The following POM121 variants were observed in gnomAD, a reference collection of about 807,000 sequenced individuals.
The protein encoded by POM121 is POM121 transmembrane nucleoporin, also known as nuclear envelope pore membrane protein POM 121.
In POM121, 32 loss-of-function variants were observed where a neutral mutation model predicts 81.3. The ratio of observed to expected loss-of-function variants is 0.39; its 90% CI spans 0.30 to 0.53. POM121 has a LOEUF of 0.53. POM121 is among the 20% of genes least tolerant of loss of function. The pLI, the probability that POM121 is intolerant of heterozygous loss-of-function variation, is 0.66. For missense variants in POM121, 1,138 were observed against 1,614.6 expected (o/e 0.70, Z 5.06); for synonymous variants, 514 against 694.2 (o/e 0.74, Z 4.08).
At chr7:72,950,415 G>A (rs1356341078), downstream of POM121, 29 of 571,138 alleles carry the variant, frequency 5.1e-5, no homozygotes, top group Admixed American at 1.2e-4. Flanking sequence ...GCCTGGGCAA[G>A]TGATTCAATC....
intron 3 of POM121, among the ~76,000 whole-genome samples, chr7:72,910,680 G>A (rs1304885595): frequency 2.0e-5 from 3 of 152,032 alleles, no homozygotes; most frequent in African/African-American, 7.2e-5. Context: ...AGGGGAAGGT[G>A]CAGCTTTTTT....
chr7:72,918,001 A>G (rs1393561542), intron 4 of POM121, among the ~76,000 whole-genome samples: 1 of 152,204 alleles, frequency 6.6e-6, no homozygotes, highest in African/African-American at 2.4e-5. Context: ...ACAAAGAGAA[A>G]GATAGCTTAC....
intron 3 of POM121, among the ~76,000 whole-genome samples, chr7:72,894,302 G>A (rs1791632016): frequency 6.6e-6 from 1 of 152,084 alleles, no homozygotes; most frequent in Admixed American, 6.6e-5. Context: ...TCTAGGCCAG[G>A]CATGGTGGCT....
chr7:72,923,081 A>AT (rs1224446272), upstream of POM121, among the ~76,000 whole-genome samples: 7 of 138,420 alleles, frequency 5.1e-5, no homozygotes, highest in African/African-American at 1.6e-4. Flanking sequence ...TGATACTGAG[A>AT]TTTTTTTCTT....
At position 72,925,145 on chromosome 7, in the gene POM121, T is replaced by G; in HGVS notation, c.24T>G (p.Ala8=). 1 of 1,452,374 alleles carries G rather than the reference T, an allele frequency of 6.9e-7. No individual in the cohort carries two copies. The highest frequency in any genetic ancestry group is 9.0e-7 in the Non-Finnish European group (1 of 1,114,512). 90.0% of individuals were successfully genotyped at this position (1,452,374 alleles called of 1,614,324 possible). A position where few individuals can be genotyped will look rare whatever the true frequency, so the allele number is the denominator to read the frequency against. Residue 8 remains alanine, a synonymous_variant, in exon 1 of 13, where the codon GCT becomes GCG. Transcript: ENST00000434423. MSPAAAA[A]GAGERRRPIA... ...CGATGTCTCCGGCGGCTGCGGCGGC[T>G]GGAGCAGGCGAGCGGCGGCGGCCCA...
downstream of POM121, chr7:72,949,128 A>G: frequency 6.9e-7 from 1 of 1,454,166 alleles, no homozygotes; most frequent in Admixed American, 1.7e-5. Context: ...TCTCGGTTAC[A>G]CAGCTTCACA....
At chr7:72,912,499 G>A (rs868992391) in intron 3 of POM121, among the ~76,000 whole-genome samples, 8 of 152,112 alleles carry the variant, frequency 5.3e-5, no homozygotes, top group South Asian at 2.1e-4. Flanking sequence ...TTTTCTGGCC[G>A]GGCGTGGTGG....
chr7:72,940,096 CCT>C, intron 8 of POM121, 128 bp downstream of exon 8: 2 of 1,199,306 alleles, frequency 1.7e-6, no homozygotes, highest in Non-Finnish European at 2.3e-6. Flanking sequence ...AGACAACATC[CCT>C]CTGTCACCCA....
At chr7:72,945,189 G>C (rs376208786) in intron 11 of POM121, among the ~76,000 whole-genome samples, 1 of 152,004 alleles carries the variant, frequency 6.6e-6, no homozygotes, top group African/African-American at 2.4e-5. Context: ...CAAAAGACGC[G>C]GGACGGACAA....
At chr7:72,921,722 A>G (rs1554496029), upstream of POM121, among the ~76,000 whole-genome samples, 2 of 152,226 alleles carry the variant, frequency 1.3e-5, no homozygotes, top group African/African-American at 4.8e-5. Flanking sequence ...ATTAATCAAT[A>G]CATTTTGTCC....
At position 72,892,489 on chromosome 7, in the gene POM121, G is replaced by A. The variant is rs549411562; in HGVS notation, c.-216+1379G>A. Among the ~76,000 whole-genome samples the A allele has an allele frequency of 6.6e-5, 10 of 152,278 alleles. No individual in the cohort carries two copies. In the East Asian group the frequency reaches 1.9e-3, roughly 29 times the overall value. On this transcript the variant is annotated intron_variant, in intron 3 of 15. Transcript: ENST00000395270. ...GCCTTGCAGATCGTCAGCACATTCT[G>A]TTTCTTTTGACATTAGTGTTCAGTA...
intron 4 of POM121, among the ~76,000 whole-genome samples, chr7:72,916,804 ATG>A (rs552746008): frequency 8.5e-5 from 13 of 152,320 alleles, no homozygotes; most frequent in Non-Finnish European, 1.6e-4. Flanking sequence ...TGAGCATGGA[ATG>A]TGTTTCCATT....
At chr7:72,921,528 T>C (rs1554496003), upstream of POM121, among the ~76,000 whole-genome samples, 1 of 152,200 alleles carries the variant, frequency 6.6e-6, no homozygotes, top group Non-Finnish European at 1.5e-5. Context: ...TATCCCCAGG[T>C]AGAGGAACTA....
upstream of POM121, among the ~76,000 whole-genome samples, chr7:72,924,031 C>T (rs1795102048): frequency 1.3e-5 from 2 of 151,808 alleles, no homozygotes; most frequent in Non-Finnish European, 2.9e-5. Context: ...CTGCAACCTC[C>T]GCCTCCCGAG....
intron 2 of POM121, 27 bp from the exon 3 acceptor site, chr7:72,926,775 C>G (rs781919362): frequency 9.3e-6 from 15 of 1,608,212 alleles, no homozygotes; most frequent in Non-Finnish European, 1.3e-5. Context: ...AAATATCTTA[C>G]AGCTAGAATC....
intron 3 of POM121, among the ~76,000 whole-genome samples, chr7:72,927,671 A>G (rs1161381856): frequency 6.6e-6 from 1 of 151,816 alleles, no homozygotes; most frequent in Non-Finnish European, 1.5e-5. Flanking sequence ...GACTGCCACC[A>G]TACTCCAGCC....
In POM121 at chr7:72,941,869, T is replaced by A. The variant is rs1247848196; in HGVS notation, c.1876T>A (p.Ser626Thr). 6.6e-7 allele frequency: 1 copy of A among 1,523,994 alleles called. No homozygotes were observed. The highest frequency in any genetic ancestry group is 1.4e-5 in the African/African-American group (1 of 70,202). 94.4% of individuals were successfully genotyped at this position (1,523,994 alleles called of 1,614,324 possible). A position where few individuals can be genotyped will look rare whatever the true frequency, so the allele number is the denominator to read the frequency against. Residue 626 changes from serine (S) to threonine (T), a missense_variant, in exon 11 of 13, where the codon TCA becomes ACA. By Grantham distance (58) the Ser-to-Thr change is moderately conservative. This residue lies in a region of POM121 where 25 missense variants were observed against 214.1 expected (regional missense o/e 0.12). Transcript: ENST00000434423. ...SAGAATTEAL[S>T]PPKTPSLLPP... ...TGGAGCAGCAACCACTGAGGCCCTCTCACCTCCAAAGACACCCAGCCTCCT... is the reference window on the plus strand; with the variant it reads ...TGGAGCAGCAACCACTGAGGCCCTCACACCTCCAAAGACACCCAGCCTCCT...
exon 1 of POM121, chr7:72,879,576 G>A (rs1211589027): frequency 1.0e-5 from 3 of 291,266 alleles, no homozygotes; most frequent in African/African-American, 2.4e-5. Flanking sequence ...CGGCGCTGGG[G>A]CCAGAGGGGC....
In POM121 at chr7:72,927,091, C is replaced by T. The variant is rs1795530710; in HGVS notation, c.1022+128C>T. Reference sequence around the variant, plus strand: ...AGCCTTCGTAGGCCCCCTTCTTTGGCTTACATGGAGGAATCTAATAACAAG... The same window carrying T: ...AGCCTTCGTAGGCCCCCTTCTTTGGTTTACATGGAGGAATCTAATAACAAG... On this transcript the variant is annotated intron_variant, in intron 3 of 12. Coordinates refer to ENST00000434423, the MANE Select transcript of POM121 (RefSeq NM_001387691.1). 5 of 1,458,710 alleles carry T rather than the reference C, an allele frequency of 3.4e-6. No individual in the cohort carries two copies. In the Admixed American group the frequency reaches 5.7e-5, roughly 16 times the overall value. 90.4% of individuals were successfully genotyped at this position (1,458,710 alleles called of 1,614,324 possible).
Sources: gnomAD v4.1 joint callset for allele counts (sites outside exome capture counted in the v4.1 genomes callset) on GRCh38, gnomAD v4.1.1 for gene constraint, gnomAD v4.1.1 regional missense constraint, MANE v1.5 for transcripts, NCBI Gene and HGNC (gene_info 2026-07-23, HGNC 2026-07-21) for gene names.